HIVEP3: variants seen among roughly 807,000 people sequenced by gnomAD.
HIVEP3 encodes the protein HIVEP zinc finger 3, also known as transcription factor HIVEP3.
In HIVEP3, 49 loss-of-function variants were observed where a neutral mutation model predicts 152.8. The observed-to-expected ratio is 0.32, with a 90% CI of 0.26 to 0.41. The LOEUF is 0.41. Among genes scored for constraint, HIVEP3 ranks in the 10% least tolerant of loss-of-function variants. The pLI is 1.00. For synonymous variants in HIVEP3, 1,269 were observed against 1,289.0 expected (o/e 0.98, Z 0.33); for missense variants, 2,790 against 3,103.3 (o/e 0.90, Z 2.40).
intron 5 of HIVEP3, among the ~76,000 whole-genome samples, chr1:41,559,483 G>C (rs927236831): frequency 1.3e-5 from 2 of 152,108 alleles, no homozygotes; most frequent in African/African-American, 4.8e-5. Context: ...TGTCTCCACG[G>C]AGGGATGCCC....
chr1:41,516,487 C>G (rs927633052), intron 7 of HIVEP3, among the ~76,000 whole-genome samples: 1 of 152,236 alleles, frequency 6.6e-6, no homozygotes, highest in Admixed American at 6.5e-5. Flanking sequence ...GTTCTTCCCC[C>G]TCTCTTCTGC....
intron 1 of HIVEP3, among the ~76,000 whole-genome samples, chr1:41,963,351 A>C (rs1645179742): frequency 6.6e-6 from 1 of 152,084 alleles, no homozygotes; most frequent in Non-Finnish European, 1.5e-5. Context: ...CTGGAGGCAA[A>C]ATCACTCCGA....
At chr1:41,875,512 A>G (rs1570717382) in intron 1 of HIVEP3, among the ~76,000 whole-genome samples, 1 of 152,080 alleles carries the variant, frequency 6.6e-6, no homozygotes, top group Non-Finnish European at 1.5e-5. Context: ...CTGGCTTAAA[A>G]CCTCTCAATG....
chr1:41,719,261 G>A (rs1646642631), intron 1 of HIVEP3, among the ~76,000 whole-genome samples: 1 of 152,184 alleles, frequency 6.6e-6, no homozygotes, highest in South Asian at 2.1e-4. Flanking sequence ...ACAAAATCAA[G>A]TACAAAGGCA....
In HIVEP3 at chr1:41,614,310, G is replaced by A. The variant is rs141174817; in HGVS notation, c.-522+14439C>T. Among the ~76,000 whole-genome samples, 780 of 152,366 alleles carry A rather than the reference G, an allele frequency of 5.1e-3. 4 individuals are homozygous for A. The highest frequency in any genetic ancestry group is 0.018 in the African/African-American group (747 of 41,594). On this transcript the variant is annotated intron_variant, in intron 3 of 8. Transcript: ENST00000372583. Reference sequence around the variant, plus strand: ...CACCAGCCCTGAGTCTAAAGGCTCTGAGTCTGCAGGGAGAGTACCATTTCT... The same window carrying A: ...CACCAGCCCTGAGTCTAAAGGCTCTAAGTCTGCAGGGAGAGTACCATTTCT...
At chr1:41,524,699 CG>C (rs770015160) in intron 6 of HIVEP3, 35 bp downstream of exon 6, 5 of 1,580,818 alleles carry the variant, frequency 3.2e-6, no homozygotes, top group Non-Finnish European at 3.5e-6. Flanking sequence ...CTCCCTGCAG[CG>C]GGCAGGGGCA....
chr1:41,853,855 C>T (rs1327180345), intron 1 of HIVEP3, among the ~76,000 whole-genome samples: 1 of 152,180 alleles, frequency 6.6e-6, no homozygotes, highest in East Asian at 1.9e-4. Flanking sequence ...TGCCAACCTT[C>T]AGCAGCGGCT....
rs544257828 is a variant in HIVEP3 at position 41,585,293 on chromosome 1, C to G, written c.-496G>C. 2.0e-5 allele frequency: 8 copies of G among 399,062 alleles called. No individual in the cohort carries two copies. In the South Asian group the frequency reaches 1.0e-3, roughly 51 times the overall value. The allele number at this position is 399,062 out of a possible 1,614,324, so 24.7% of individuals were successfully genotyped here. On this transcript the variant is annotated 5_prime_UTR_variant, in exon 4 of 9. Transcript: ENST00000372583. ...TAGTTCTGGGTTGGAGATCAACGGC[C>G]TTGGAGGAGAAATCACGCTCTTCTT...
intron 1 of HIVEP3, among the ~76,000 whole-genome samples, chr1:42,009,909 T>C (rs1023539540): frequency 2.0e-5 from 3 of 152,224 alleles, no homozygotes; most frequent in Non-Finnish European, 4.4e-5. Flanking sequence ...ATTTACTTAT[T>C]TGGAATATAT....
Position 41,584,576 on chromosome 1 carries a change from C to T in HIVEP3, c.222G>A (p.Thr74=), listed in dbSNP as rs781123538. ...TTTTGGGGGGCTTCTGCTGCTGGCC[C>T]GTTTTCTCCTGAGAGCCTTCCCTAA... ...SVLREGSQEK[T]GQQQKPPKRP... Residue 74 remains threonine, a synonymous_variant, in exon 4 of 9, where the codon ACG becomes ACA. Transcript: ENST00000372583. The surrounding 1 kb of genome is among the most constrained non-coding windows in gnomAD (Gnocchi z 5.2). 5.6e-6 allele frequency: 9 copies of T among 1,614,006 alleles called. No individual in the cohort carries two copies. Among genetic ancestry groups the T allele is most frequent in the African/African-American group, 4.0e-5 (3 of 75,000 alleles).
intron 5 of HIVEP3, among the ~76,000 whole-genome samples, chr1:41,537,927 C>T (rs1245552394): frequency 2.0e-5 from 3 of 152,226 alleles, no homozygotes; most frequent in Non-Finnish European, 2.9e-5. Context: ...TGAATTTACT[C>T]AACAGTATTT....
intron 1 of HIVEP3, among the ~76,000 whole-genome samples, chr1:41,784,557 C>T (rs1342389233): frequency 6.6e-6 from 1 of 152,120 alleles, no homozygotes; most frequent in Non-Finnish European, 1.5e-5. Context: ...GCTTTTATAC[C>T]TAGGTGAGTG....
chr1:41,751,225 G>A (rs1475813069), intron 1 of HIVEP3, among the ~76,000 whole-genome samples: 1 of 151,822 alleles, frequency 6.6e-6, no homozygotes, highest in Non-Finnish European at 1.5e-5. Flanking sequence ...GACAACAGAT[G>A]GGACCATCCA....
chr1:41,603,213 C>T (rs572453954), intron 3 of HIVEP3, among the ~76,000 whole-genome samples: 82 of 152,136 alleles, frequency 5.4e-4, no homozygotes, highest in Middle Eastern at 3.4e-3. Flanking sequence ...ATTACAGGCA[C>T]GCACTGTCAT....
At chr1:41,973,931 A>G (rs1486164661) in intron 1 of HIVEP3, among the ~76,000 whole-genome samples, 2 of 152,172 alleles carry the variant, frequency 1.3e-5, no homozygotes, top group Non-Finnish European at 2.9e-5. Context: ...ATGTCACTGG[A>G]GGGAATTCAG....
intron 1 of HIVEP3, among the ~76,000 whole-genome samples, chr1:41,704,675 G>A (rs1646408973): frequency 6.6e-6 from 1 of 152,218 alleles, no homozygotes; most frequent in Admixed American, 6.5e-5. Context: ...CTTGAATCTT[G>A]CCACATACCA....
chr1:41,805,517 G>T (rs2124318929), intron 1 of HIVEP3, among the ~76,000 whole-genome samples: 1 of 152,322 alleles, frequency 6.6e-6, no homozygotes, highest in African/African-American at 2.4e-5. Context: ...ATGGCCTTGG[G>T]CAAGCTGGGG....
At chr1:41,841,387 C>T (rs140881209) in intron 1 of HIVEP3, among the ~76,000 whole-genome samples, 2,497 of 147,944 alleles carry the variant, frequency 0.017, 38 homozygotes, top group Non-Finnish European at 0.021. Flanking sequence ...AGGCAGCCAA[C>T]ACCAAGTTTT....
intron 1 of HIVEP3, among the ~76,000 whole-genome samples, chr1:41,731,961 C>T (rs559751659): frequency 6.6e-6 from 1 of 152,344 alleles, no homozygotes; most frequent in Admixed American, 6.5e-5. Context: ...TTCCCCTGAC[C>T]GAGTGTTTCT....
Sources: allele counts gnomAD v4.1 joint callset (sites outside exome capture counted in the v4.1 genomes callset), GRCh38; gene constraint gnomAD v4.1.1; non-coding constraint Gnocchi (gnomAD v3.1); transcripts MANE v1.5; gene names NCBI Gene and HGNC (gene_info 2026-07-23, HGNC 2026-07-21).